Variants in LRRC3B observed in about 807,000 individuals in gnomAD.
LRRC3B encodes leucine-rich repeat-containing protein 3B.
LRRC3B carries 2 observed loss-of-function variants against 12.8 expected under a neutral mutation model. That is an observed-to-expected ratio of 0.16 (90% CI 0.06 to 0.49). The LOEUF is 0.49. Among genes scored for constraint, LRRC3B ranks in the 20% least tolerant of loss-of-function variants. The pLI is 0.96. For synonymous variants in LRRC3B, 132 were observed against 122.0 expected, an observed-to-expected ratio of 1.08 and a Z score of -0.54; for missense variants, 189 against 319.4, an observed-to-expected ratio of 0.59 and a Z score of 3.11.
At chr3:26,644,941 T>C (rs1047945297) in intron 1 of LRRC3B, among the ~76,000 whole-genome samples, 1 of 152,144 alleles carries the variant, frequency 6.6e-6, no homozygotes, top group Non-Finnish European at 1.5e-5. Flanking sequence ...AATATACACA[T>C]ATACATATGC....
chr3:26,647,834 C>T (rs1190324829), intron 1 of LRRC3B, among the ~76,000 whole-genome samples: 13 of 152,188 alleles, frequency 8.5e-5, no homozygotes, highest in Admixed American at 6.5e-4. Flanking sequence ...CATGTTTAAA[C>T]AATACCCAGC....
chr3:26,675,970 C>CT (rs75491444), intron 1 of LRRC3B, among the ~76,000 whole-genome samples: 60 of 136,008 alleles, frequency 4.4e-4, no homozygotes, highest in East Asian at 1.3e-3. Flanking sequence ...AAGCCCCTTT[C>CT]TTTTTTTTTT....
At chr3:26,645,088 A>T (rs992619094) in intron 1 of LRRC3B, among the ~76,000 whole-genome samples, 1 of 152,220 alleles carries the variant, frequency 6.6e-6, no homozygotes, top group Non-Finnish European at 1.5e-5. Context: ...CAATTGGTCA[A>T]TCCAGAGTGT....
chr3:26,669,363 A>G (rs1287515896), intron 1 of LRRC3B, among the ~76,000 whole-genome samples: 1 of 152,174 alleles, frequency 6.6e-6, no homozygotes, highest in Non-Finnish European at 1.5e-5. Context: ...GATGGAGTGA[A>G]CTGATTGCAT....
At chr3:26,682,019 T>C (rs1189158740) in intron 1 of LRRC3B, among the ~76,000 whole-genome samples, 2 of 151,924 alleles carry the variant, frequency 1.3e-5, no homozygotes, top group Non-Finnish European at 2.9e-5. Flanking sequence ...CAATAAATAA[T>C]AATAAAATAT....
chr3:26,641,654 C>T (rs1699034047), intron 1 of LRRC3B, among the ~76,000 whole-genome samples: 1 of 151,948 alleles, frequency 6.6e-6, no homozygotes, highest in African/African-American at 2.4e-5. Flanking sequence ...GGGTGTTAGC[C>T]TATGTACAGT....
At chr3:26,683,717 A>T (rs1481454951) in intron 1 of LRRC3B, among the ~76,000 whole-genome samples, 1 of 152,220 alleles carries the variant, frequency 6.6e-6, no homozygotes, top group East Asian at 1.9e-4. Flanking sequence ...TCAGCCCATT[A>T]GTTATCAATT....
chr3:26,694,518 A>G (rs1700261384), intron 1 of LRRC3B: 2 of 152,196 alleles, frequency 1.3e-5, no homozygotes, highest in Non-Finnish European at 2.9e-5. Context: ...TTCAGAGCTA[A>G]TAATATTTGC....
At chr3:26,671,644 T>G (rs1325433215) in intron 1 of LRRC3B, among the ~76,000 whole-genome samples, 1 of 145,554 alleles carries the variant, frequency 6.9e-6, no homozygotes, top group Non-Finnish European at 1.5e-5. Flanking sequence ...CCGCCCGCCT[T>G]GGCCTCCCAA....
intron 1 of LRRC3B, among the ~76,000 whole-genome samples, chr3:26,671,373 T>TATATATAGAGAGAGAGAGAGAG (rs1261897533): frequency 6.4e-4 from 18 of 28,252 alleles, no homozygotes; most frequent in East Asian, 5.0e-3. Context: ...TATATATATA[T>TATATATAGAGAGAGAGAGAGAG]AGAGAGAGAG....
chr3:26,628,231 G>A (rs1360667119), intron 1 of LRRC3B, among the ~76,000 whole-genome samples: 1 of 151,740 alleles, frequency 6.6e-6, no homozygotes, highest in Non-Finnish European at 1.5e-5. Context: ...CAAAGGATAT[G>A]GAAAAATAAA....
intron 1 of LRRC3B, among the ~76,000 whole-genome samples, chr3:26,661,852 G>T (rs997725894): frequency 6.6e-6 from 1 of 152,256 alleles, no homozygotes; most frequent in East Asian, 1.9e-4. Context: ...ACCAGCTCAG[G>T]ATCAACACCC....
chr3:26,652,330 C>G (rs549475504), intron 1 of LRRC3B, among the ~76,000 whole-genome samples: 2 of 152,340 alleles, frequency 1.3e-5, no homozygotes, highest in African/African-American at 2.4e-5. Flanking sequence ...GGGATCCTCT[C>G]CCGTTCTCAC....
intron 1 of LRRC3B, among the ~76,000 whole-genome samples, chr3:26,660,344 T>C (rs762676018): frequency 1.3e-5 from 2 of 152,240 alleles, no homozygotes; most frequent in Non-Finnish European, 1.5e-5. Flanking sequence ...GATCAAAATT[T>C]GTTTCCTTTT....
chr3:26,658,226 T>A (rs1016389951), intron 1 of LRRC3B, among the ~76,000 whole-genome samples: 5 of 152,082 alleles, frequency 3.3e-5, no homozygotes, highest in Non-Finnish European at 7.4e-5. Context: ...CCCAGCTAAT[T>A]TTTTGTATTT....
intron 1 of LRRC3B, among the ~76,000 whole-genome samples, chr3:26,651,799 C>T (rs1699270194): frequency 6.6e-6 from 1 of 152,152 alleles, no homozygotes; most frequent in African/African-American, 2.4e-5. Context: ...AACTTTCCTA[C>T]CTGTCAGTTC....
intron 1 of LRRC3B, among the ~76,000 whole-genome samples, chr3:26,669,187 G>A (rs1484666219): frequency 6.6e-6 from 1 of 152,210 alleles, no homozygotes; most frequent in African/African-American, 2.4e-5. Context: ...TTTTGTGGAT[G>A]TTCCAATGTA....
At chr3:26,661,161 T>C (rs918113825) in intron 1 of LRRC3B, among the ~76,000 whole-genome samples, 1 of 152,168 alleles carries the variant, frequency 6.6e-6, no homozygotes, top group Non-Finnish European at 1.5e-5. Flanking sequence ...CACACACATA[T>C]TGGCTTCTGT....
chr3:26,642,741 G>A (rs28580679), intron 1 of LRRC3B, among the ~76,000 whole-genome samples: 9,226 of 152,082 alleles, frequency 0.061, 678 homozygotes, highest in East Asian at 0.17. Flanking sequence ...AGAGTTGCCC[G>A]GGCGTGGTGC....
Sources: gnomAD v4.1 joint callset for allele counts (sites outside exome capture counted in the v4.1 genomes callset) on GRCh38, gnomAD v4.1.1 for gene constraint, MANE v1.5 for transcripts, NCBI Gene and HGNC (gene_info 2026-07-23, HGNC 2026-07-21) for gene names.